Variants in MITF observed in about 807,000 individuals in gnomAD.
MITF encodes the protein melanocyte inducing transcription factor.
A neutral mutation model predicts 60.5 loss-of-function variants in MITF; 17 were observed. The observed-to-expected ratio is 0.28, with a 90% CI of 0.19 to 0.42. The LOEUF (loss-of-function observed/expected upper bound fraction) is 0.42, where lower values mean the gene tolerates loss of function less well. Ranked by LOEUF, MITF falls within the 10% of genes least tolerant of loss-of-function variation. The pLI, the probability that MITF is intolerant of heterozygous loss-of-function variation, is 1.00. For missense variants in MITF, 622 were observed against 683.5 expected (o/e 0.91, Z 1.00); for synonymous variants, 260 against 248.5 (o/e 1.05, Z -0.43).
At chr3:69,938,966 T>C (rs1352653253) in intron 3 of MITF, 132 bp from the exon 4 acceptor site, 1 of 1,535,916 alleles carries the variant, frequency 6.5e-7, no homozygotes, top group East Asian at 2.5e-5. Flanking sequence ...TTATTTCATC[T>C]TTTGGTCAGA....
At chr3:69,871,318 A>G (rs554935494) in intron 1 of MITF, among the ~76,000 whole-genome samples, 3 of 152,232 alleles carry the variant, frequency 2.0e-5, no homozygotes, top group South Asian at 4.1e-4. Flanking sequence ...GCACAAGCAC[A>G]TTCCTGAGTT....
At chr3:69,886,024 A>G (rs1223513261) in intron 2 of MITF, among the ~76,000 whole-genome samples, 2 of 152,158 alleles carry the variant, frequency 1.3e-5, no homozygotes, top group African/African-American at 2.4e-5. Flanking sequence ...CAACTAGGTC[A>G]TCAGAAAGTC....
intron 1 of MITF, among the ~76,000 whole-genome samples, chr3:69,857,381 A>G (rs2063937169): frequency 6.6e-6 from 1 of 152,098 alleles, no homozygotes; most frequent in Non-Finnish European, 1.5e-5. Flanking sequence ...TTTAAATAAA[A>G]AAGATTTGTT....
At chr3:69,917,942 G>GTCTTT (rs2065374342) in intron 2 of MITF, among the ~76,000 whole-genome samples, 1 of 152,134 alleles carries the variant, frequency 6.6e-6, no homozygotes, top group Non-Finnish European at 1.5e-5. Flanking sequence ...TCAATAGAAA[G>GTCTTT]ACAAATACCA....
intron 2 of MITF, among the ~76,000 whole-genome samples, chr3:69,888,143 T>A (rs1406503476): frequency 6.6e-6 from 1 of 152,098 alleles, no homozygotes; most frequent in Non-Finnish European, 1.5e-5. Context: ...TGTTGTAATC[T>A]CCCCTGTTGG....
intron 1 of MITF, among the ~76,000 whole-genome samples, chr3:69,753,727 GT>G (rs1367615381): frequency 6.6e-6 from 1 of 152,220 alleles, no homozygotes; most frequent in Non-Finnish European, 1.5e-5. Context: ...GCCCTGCTGG[GT>G]TTTGGACTTG....
chr3:69,781,574 C>T (rs909314335), intron 1 of MITF, among the ~76,000 whole-genome samples: 4 of 152,048 alleles, frequency 2.6e-5, no homozygotes, highest in East Asian at 3.9e-4. Context: ...TTTTTGAAAA[C>T]GTGTACAAAA....
chr3:69,901,803 G>A (rs1397201898), intron 2 of MITF, among the ~76,000 whole-genome samples: 2 of 152,200 alleles, frequency 1.3e-5, no homozygotes, highest in African/African-American at 4.8e-5. Context: ...TGACGACATA[G>A]CGTGTGCTGA....
intron 2 of MITF, among the ~76,000 whole-genome samples, chr3:69,901,794 G>T (rs1347759656): frequency 6.6e-6 from 1 of 152,182 alleles, no homozygotes; most frequent in Non-Finnish European, 1.5e-5. Context: ...TTTGAGCCTT[G>T]ACGACATAGC....
chr3:69,851,234 A>T (rs77524845), intron 1 of MITF, among the ~76,000 whole-genome samples: 2,212 of 152,322 alleles, frequency 0.015, 22 homozygotes, highest in Admixed American at 0.028. Context: ...TTTTATTGAC[A>T]TAGGAATACT....
chr3:69,844,937 C>T (rs1046356556), intron 1 of MITF, among the ~76,000 whole-genome samples: 2 of 152,056 alleles, frequency 1.3e-5, no homozygotes, highest in Admixed American at 1.3e-4. Context: ...TTGCCATTTT[C>T]CTTAAAATAG....
At chr3:69,907,983 T>C (rs2065137667) in intron 2 of MITF, among the ~76,000 whole-genome samples, 1 of 152,210 alleles carries the variant, frequency 6.6e-6, no homozygotes, top group Non-Finnish European at 1.5e-5. Flanking sequence ...AAGAGTTTCA[T>C]TTCAAGAATG....
intron 1 of MITF, among the ~76,000 whole-genome samples, chr3:69,867,762 C>T (rs759349280): frequency 7.9e-5 from 12 of 152,096 alleles, no homozygotes; most frequent in Non-Finnish European, 1.5e-4. Flanking sequence ...TCTGATTCTA[C>T]GTAAGAATGG....
chr3:69,876,220 A>G (rs953590158), intron 1 of MITF, among the ~76,000 whole-genome samples: 1 of 152,188 alleles, frequency 6.6e-6, no homozygotes, highest in Non-Finnish European at 1.5e-5. Context: ...TTCTTCCCCC[A>G]GTATCACAGC....
intron 2 of MITF, among the ~76,000 whole-genome samples, chr3:69,899,681 GA>G (rs747358853): frequency 2.6e-5 from 4 of 152,132 alleles, no homozygotes; most frequent in African/African-American, 4.8e-5. Flanking sequence ...AGAAGAACAT[GA>G]AGGTTTCTCC....
intron 6 of MITF, 59 bp downstream of exon 6, chr3:69,949,227 A>G: frequency 7.6e-7 from 1 of 1,309,534 alleles, no homozygotes; most frequent in Non-Finnish European, 1.1e-6. Context: ...CTGATAAGAC[A>G]AAGTTATTGA....
chr3:69,893,364 T>C (rs758828450), intron 2 of MITF, among the ~76,000 whole-genome samples: 26 of 152,018 alleles, frequency 1.7e-4, no homozygotes, highest in Non-Finnish European at 3.2e-4. Flanking sequence ...AGTTGCAGTG[T>C]TGAAAGGCAT....
chr3:69,891,687 C>T (rs928934817), intron 2 of MITF, among the ~76,000 whole-genome samples: 4 of 152,170 alleles, frequency 2.6e-5, no homozygotes, highest in African/African-American at 9.7e-5. Flanking sequence ...AATTTCTTTA[C>T]TGTAGAGCCT....
At chr3:69,802,760 C>T (rs548924017) in intron 1 of MITF, among the ~76,000 whole-genome samples, 6 of 136,274 alleles carry the variant, frequency 4.4e-5, no homozygotes, top group Admixed American at 2.4e-4. Context: ...GGTGTGATCT[C>T]GGCTTACTGC....
Sources: gnomAD v4.1 joint callset for allele counts (sites outside exome capture counted in the v4.1 genomes callset) on GRCh38, gnomAD v4.1.1 for gene constraint, MANE v1.5 for transcripts, NCBI Gene and HGNC (gene_info 2026-07-23, HGNC 2026-07-21) for gene names.